TAFA5: variants seen among roughly 807,000 people sequenced by gnomAD.
TAFA5 encodes the protein chemokine-like protein TAFA-5.
TAFA5 carries 6 observed loss-of-function variants against 15.3 expected under a neutral mutation model. The observed-to-expected ratio is 0.39, with a 90% confidence interval of 0.21 to 0.77. The LOEUF (loss-of-function observed/expected upper bound fraction) is 0.77, where lower values mean the gene tolerates loss of function less well. Among genes scored for constraint, TAFA5 ranks in the 30% least tolerant of loss-of-function variants. The probability of loss-of-function intolerance (pLI) is 0.41; values close to 1 mark genes in which losing one functional copy is unlikely to be tolerated. For missense variants in TAFA5, 161 were observed against 193.1 expected (o/e 0.83, Z 0.98); for synonymous variants, 103 against 80.7 (o/e 1.28, Z -1.48).
intron 1 of TAFA5, among the ~76,000 whole-genome samples, chr22:48,627,520 G>GC (rs905648472): frequency 1.4e-4 from 22 of 152,352 alleles, no homozygotes; most frequent in African/African-American, 2.4e-4. Flanking sequence ...ACACAGCCCT[G>GC]CCCCCCCAGG....
chr22:48,707,220 G>A (rs1311320068), intron 2 of TAFA5, among the ~76,000 whole-genome samples: 1 of 152,162 alleles, frequency 6.6e-6, no homozygotes, highest in Non-Finnish European at 1.5e-5. Context: ...TCCAGTCAAG[G>A]ATGGGAAATC....
At chr22:48,606,001 C>T (rs763225063) in intron 1 of TAFA5, among the ~76,000 whole-genome samples, 9 of 152,298 alleles carry the variant, frequency 5.9e-5, no homozygotes, top group South Asian at 2.1e-4. Context: ...GAGGAGGCAG[C>T]AGTGGGAGAT....
rs1352769012 is a variant in TAFA5 at position 48,598,404 on chromosome 22, G to A, written c.113-48193G>A. 6.6e-6 allele frequency among the ~76,000 whole-genome samples: 1 copy of A among 152,212 alleles called. No individual in the cohort carries two copies. The highest frequency in any genetic ancestry group is 1.5e-5 in the Non-Finnish European group (1 of 68,042). ...TGGAGGTTATTTCCAGGGGGCAGTG[G>A]TGAGGGGCTGGCGCTGTGATCGTGC... is the stretch of plus-strand genomic sequence containing the variant. On this transcript the variant is annotated intron_variant, in intron 1 of 3. Transcript: ENST00000402357. This position sits in a 1 kb window ranked among gnomAD's most constrained non-coding sequence, Gnocchi z 4.0.
intron 3 of TAFA5, among the ~76,000 whole-genome samples, chr22:48,724,860 A>G (rs1271105937): frequency 6.6e-6 from 1 of 152,236 alleles, no homozygotes; most frequent in East Asian, 1.9e-4. Context: ...GCAGAGACTC[A>G]GCTCCCAGCC....
chr22:48,522,468 G>A (rs1921636686), intron 1 of TAFA5, among the ~76,000 whole-genome samples: 1 of 152,144 alleles, frequency 6.6e-6, no homozygotes, highest in Non-Finnish European at 1.5e-5. Flanking sequence ...AGTGGCTGGT[G>A]GGGGCTGGTG....
chr22:48,565,783 G>C (rs1009997064), intron 1 of TAFA5, among the ~76,000 whole-genome samples: 1 of 152,252 alleles, frequency 6.6e-6, no homozygotes, highest in African/African-American at 2.4e-5. Flanking sequence ...GCAGTGGCTT[G>C]AGATGGCAGG....
intron 1 of TAFA5, among the ~76,000 whole-genome samples, chr22:48,510,204 A>G (rs1377229336): frequency 6.6e-6 from 1 of 152,238 alleles, no homozygotes; most frequent in Non-Finnish European, 1.5e-5. Flanking sequence ...GGATTACACC[A>G]AACTCAAAAG....
intron 1 of TAFA5, among the ~76,000 whole-genome samples, chr22:48,590,422 G>A (rs942142871): frequency 2.0e-5 from 3 of 152,230 alleles, no homozygotes; most frequent in Non-Finnish European, 2.9e-5. Flanking sequence ...TGGCAAAGGC[G>A]CTGGCTTTCC....
intron 1 of TAFA5, among the ~76,000 whole-genome samples, chr22:48,574,006 C>T (rs908298318): frequency 2.0e-5 from 3 of 152,188 alleles, no homozygotes; most frequent in Admixed American, 6.5e-5. Flanking sequence ...TGAAGGCCAA[C>T]GACCTTGCTG....
chr22:48,650,945 G>A (rs1425369961), intron 2 of TAFA5, among the ~76,000 whole-genome samples: 42 of 152,230 alleles, frequency 2.8e-4, no homozygotes, highest in Admixed American at 2.7e-3. Context: ...CACGTGCTGG[G>A]TCCCGCAGCC....
chr22:48,608,285 C>T (rs370754298), intron 1 of TAFA5, among the ~76,000 whole-genome samples: 1 of 152,226 alleles, frequency 6.6e-6, no homozygotes, highest in East Asian at 1.9e-4. Flanking sequence ...CCTGTTTTCT[C>T]GCTATCCAGC....
chr22:48,544,897 G>A (rs1922606698), intron 1 of TAFA5: 5 of 467,830 alleles, frequency 1.1e-5, no homozygotes, highest in Non-Finnish European at 2.2e-5. Context: ...GCTGAAGTCT[G>A]CATCTGTCCC....
chr22:48,538,359 C>G (rs4823801), intron 1 of TAFA5, among the ~76,000 whole-genome samples: 86,283 of 152,134 alleles, frequency 0.57, 26,958 homozygotes, highest in Middle Eastern at 0.74. Flanking sequence ...GGCCATGGGG[C>G]GCCCCATCCT....
intron 1 of TAFA5, among the ~76,000 whole-genome samples, chr22:48,579,662 T>A (rs1265954767): frequency 6.6e-6 from 1 of 152,252 alleles, no homozygotes; most frequent in Non-Finnish European, 1.5e-5. Context: ...CCAAAGACTT[T>A]ACAATATTTT....
chr22:48,572,517 TTC>T (rs748623028), intron 1 of TAFA5, among the ~76,000 whole-genome samples: 7 of 152,214 alleles, frequency 4.6e-5, no homozygotes, highest in Admixed American at 1.3e-4. Flanking sequence ...CTGACCCTGC[TTC>T]TCATGAGTGA....
intron 1 of TAFA5, among the ~76,000 whole-genome samples, chr22:48,597,893 C>T (rs998455389): frequency 3.3e-5 from 5 of 152,192 alleles, no homozygotes; most frequent in African/African-American, 4.8e-5. Flanking sequence ...GTTGGACCAA[C>T]GCACGGGCCG....
intron 3 of TAFA5, among the ~76,000 whole-genome samples, chr22:48,724,344 C>G (rs1929655598): frequency 6.6e-6 from 1 of 152,178 alleles, no homozygotes; most frequent in African/African-American, 2.4e-5. Context: ...GATGAGGTTT[C>G]AAGAGAGGAG....
intron 1 of TAFA5, among the ~76,000 whole-genome samples, chr22:48,516,942 G>A (rs556964059): frequency 1.2e-4 from 18 of 152,302 alleles, no homozygotes; most frequent in Admixed American, 6.5e-4. Flanking sequence ...AACATCTTAT[G>A]TATTTATTTT....
intron 1 of TAFA5, among the ~76,000 whole-genome samples, chr22:48,609,680 G>A (rs928055519): frequency 6.6e-6 from 1 of 152,216 alleles, no homozygotes; most frequent in Non-Finnish European, 1.5e-5. Flanking sequence ...TGTGACCAAG[G>A]ACCACAGGCC....
Sources: gnomAD v4.1 joint callset for allele counts (sites outside exome capture counted in the v4.1 genomes callset) on GRCh38, gnomAD v4.1.1 for gene constraint, Gnocchi (gnomAD v3.1) non-coding constraint, MANE v1.5 for transcripts, NCBI Gene and HGNC (gene_info 2026-07-23, HGNC 2026-07-21) for gene names.